MCC: variants seen among roughly 807,000 people sequenced by gnomAD.
The protein encoded by MCC is colorectal mutant cancer protein.
Under a neutral mutation model 116.2 loss-of-function variants are expected in MCC, and 90 were observed. The observed-to-expected ratio is 0.77, with a 90% CI of 0.65 to 0.92. The LOEUF (loss-of-function observed/expected upper bound fraction) is 0.92, where lower values mean the gene tolerates loss of function less well. Among genes scored for constraint, MCC ranks in the 40% least tolerant of loss-of-function variants. MCC has a pLI of 0.00. For synonymous variants in MCC, 578 were observed against 510.5 expected (o/e 1.13, Z -1.78); for missense variants, 1,516 against 1,312.2 (o/e 1.16, Z -2.40).
intron 14 of MCC, 22 bp from the exon 15 acceptor site, chr5:113,053,981 G>C: frequency 6.5e-7 from 1 of 1,549,316 alleles, no homozygotes; most frequent in South Asian, 1.1e-5. Context: ...GAAAAACAAA[G>C]ACCCACCACC....
intron 3 of MCC, among the ~76,000 whole-genome samples, chr5:113,269,700 C>T (rs1178754826): frequency 6.6e-6 from 1 of 152,126 alleles, no homozygotes; most frequent in African/African-American, 2.4e-5. Context: ...TCAGAAAGGG[C>T]CTAATTTACC....
At chr5:113,287,416 C>A (rs986915963) in intron 3 of MCC, among the ~76,000 whole-genome samples, 1 of 152,188 alleles carries the variant, frequency 6.6e-6, no homozygotes, top group African/African-American at 2.4e-5. Flanking sequence ...GCAACCTCCA[C>A]CTCCTGGGTT....
At chr5:113,182,864 C>T (rs112653410) in intron 3 of MCC, among the ~76,000 whole-genome samples, 4,268 of 152,280 alleles carry the variant, frequency 0.028, 207 homozygotes, top group African/African-American at 0.098. Context: ...CCAATAGCCA[C>T]GCTGTCACAG....
At chr5:113,374,034 C>T (rs1187445280) in intron 2 of MCC, among the ~76,000 whole-genome samples, 1 of 151,960 alleles carries the variant, frequency 6.6e-6, no homozygotes, top group Admixed American at 6.6e-5. Context: ...GTAGCTGGGA[C>T]CACAGGCCCA....
At chr5:113,145,751 C>A (rs1759462432) in intron 4 of MCC, among the ~76,000 whole-genome samples, 1 of 14,198 alleles carries the variant, frequency 7.0e-5, no homozygotes, top group Non-Finnish European at 1.7e-4. Flanking sequence ...CACACACACA[C>A]ACACACACAC....
intron 3 of MCC, among the ~76,000 whole-genome samples, chr5:113,191,227 C>G (rs1002383910): frequency 2.0e-5 from 3 of 152,178 alleles, no homozygotes; most frequent in African/African-American, 7.2e-5. Flanking sequence ...CTGGTCTCCC[C>G]CATCTGCCTC....
chr5:113,068,192 A>G lies in MCC; in HGVS notation c.1926-9T>C. On this transcript the variant is annotated splice_polypyrimidine_tract_variant and intron_variant, in intron 12 of 18. Transcript: ENST00000408903. ...CTTCGATGCACTGCTCGCTGAAACAAAGCACATGGGGCCTCAGCCCTTGCA... is the reference window on the plus strand; with the variant it reads ...CTTCGATGCACTGCTCGCTGAAACAGAGCACATGGGGCCTCAGCCCTTGCA... 1 of 1,609,008 alleles carries G rather than the reference A, an allele frequency of 6.2e-7. No homozygotes were observed. The highest frequency in any genetic ancestry group is 8.5e-7 in the Non-Finnish European group (1 of 1,175,504).
chr5:113,065,354 C>G (rs1326042931), intron 13 of MCC, among the ~76,000 whole-genome samples: 1 of 151,752 alleles, frequency 6.6e-6, no homozygotes, highest in African/African-American at 2.4e-5. Flanking sequence ...TAAAACTGCT[C>G]TAAAAAAACA....
intron 2 of MCC, among the ~76,000 whole-genome samples, chr5:113,384,699 C>T (rs890190672): frequency 6.6e-6 from 1 of 152,220 alleles, no homozygotes; most frequent in Non-Finnish European, 1.5e-5. Flanking sequence ...TATGCATTTG[C>T]CCTTCTTCCA....
intron 3 of MCC, among the ~76,000 whole-genome samples, chr5:113,222,066 C>T (rs1035457594): frequency 1.3e-5 from 2 of 152,106 alleles, no homozygotes; most frequent in Non-Finnish European, 2.9e-5. Context: ...TTTCTGGTGT[C>T]AGGTTGAGAA....
chr5:113,070,588 C>A (rs1753968635), intron 12 of MCC, among the ~76,000 whole-genome samples: 2 of 152,154 alleles, frequency 1.3e-5, no homozygotes, highest in East Asian at 1.9e-4. Context: ...GAATGAAGAT[C>A]TTATCTGCAT....
intron 7 of MCC, among the ~76,000 whole-genome samples, chr5:113,102,818 A>G (rs1266697133): frequency 6.6e-6 from 1 of 151,442 alleles, no homozygotes; most frequent in Non-Finnish European, 1.5e-5. Context: ...AAGAGATGGA[A>G]TAAGAAACAG....
chr5:113,174,125 T>C (rs901341149), intron 3 of MCC, among the ~76,000 whole-genome samples: 3 of 152,152 alleles, frequency 2.0e-5, no homozygotes, highest in African/African-American at 4.8e-5. Flanking sequence ...AGAACACTGC[T>C]TTAAAAAGTC....
chr5:113,080,189 T>C (rs1412437750), intron 11 of MCC, among the ~76,000 whole-genome samples: 1 of 152,168 alleles, frequency 6.6e-6, no homozygotes, highest in Non-Finnish European at 1.5e-5. Context: ...ACAGGAACAC[T>C]TTTACACTGT....
chr5:113,434,228 C>G lies in MCC; in HGVS notation c.171-49016G>C. On this transcript the variant is annotated intron_variant, in intron 1 of 18. Transcript: ENST00000408903. This position sits in a 1 kb window ranked among gnomAD's most constrained non-coding sequence, Gnocchi z 4.2. The stretch of plus-strand genomic sequence containing the variant: ...AGCCGCAGACCATGATGTAGAGGAT[C>G]ACGCCTAGGCTCCAGATGTCGTACA... The G allele has an allele frequency of 6.2e-7, 1 of 1,614,062 alleles. No individual in the cohort carries two copies. The highest frequency in any genetic ancestry group is 8.5e-7 in the Non-Finnish European group (1 of 1,179,942).
intron 8 of MCC, among the ~76,000 whole-genome samples, chr5:113,093,182 A>G (rs1020543009): frequency 6.6e-6 from 1 of 152,230 alleles, no homozygotes; most frequent in Non-Finnish European, 1.5e-5. Flanking sequence ...GGGATATTAT[A>G]TGGGATAAAT....
chr5:113,045,128 A>C (rs150930414), intron 16 of MCC, among the ~76,000 whole-genome samples: 47 of 152,266 alleles, frequency 3.1e-4, no homozygotes, highest in Non-Finnish European at 3.1e-4. Flanking sequence ...TTGTATATCC[A>C]TTCCCATTTG....
At chr5:113,447,791 G>C (rs1771264380) in intron 1 of MCC, among the ~76,000 whole-genome samples, 1 of 151,708 alleles carries the variant, frequency 6.6e-6, no homozygotes, top group Non-Finnish European at 1.5e-5. Context: ...TCAACATATG[G>C]GGCCTCTGCA....
intron 5 of MCC, among the ~76,000 whole-genome samples, chr5:113,132,651 C>A (rs1272087671): frequency 6.6e-6 from 1 of 151,996 alleles, no homozygotes; most frequent in East Asian, 1.9e-4. Flanking sequence ...TGAAGTAATC[C>A]AAAATCTTTA....
Sources: allele counts gnomAD v4.1 joint callset (sites outside exome capture counted in the v4.1 genomes callset), GRCh38; gene constraint gnomAD v4.1.1; non-coding constraint Gnocchi (gnomAD v3.1); transcripts MANE v1.5; gene names NCBI Gene and HGNC (gene_info 2026-07-23, HGNC 2026-07-21).